EFCAB6: variants seen among roughly 807,000 people sequenced by gnomAD.
EFCAB6 encodes EF-hand calcium-binding domain-containing protein 6.
EFCAB6 carries 156 observed loss-of-function variants against 169.8 expected under a neutral mutation model. The ratio of observed to expected loss-of-function variants is 0.92; its 90% CI spans 0.81 to 1.05. EFCAB6 has a LOEUF of 1.05. Among genes scored for constraint, EFCAB6 ranks in the 50% least tolerant of loss-of-function variants. The pLI, the probability that EFCAB6 is intolerant of heterozygous loss-of-function variation, is 0.00. For synonymous variants in EFCAB6, 698 were observed against 676.4 expected (o/e 1.03, Z -0.50); for missense variants, 1,800 against 1,829.1 (o/e 0.98, Z 0.29).
intron 23 of EFCAB6, among the ~76,000 whole-genome samples, chr22:43,594,635 A>C (rs1167415205): frequency 6.6e-5 from 10 of 152,254 alleles, no homozygotes; most frequent in African/African-American, 2.4e-4. Flanking sequence ...CAAATATGTA[A>C]AGCAAATGTT....
At chr22:43,694,348 G>A (rs2058501525) in intron 10 of EFCAB6, among the ~76,000 whole-genome samples, 1 of 151,924 alleles carries the variant, frequency 6.6e-6, no homozygotes, top group East Asian at 1.9e-4. Context: ...ACTAACTCCA[G>A]GCCTAAATGG....
intron 27 of EFCAB6, chr22:43,554,087 G>T (rs545853227): frequency 6.6e-6 from 1 of 152,398 alleles, no homozygotes; most frequent in Non-Finnish European, 1.5e-5. Context: ...CCCTCCAGGC[G>T]TGGGGACCGA....
intron 5 of EFCAB6, among the ~76,000 whole-genome samples, chr22:43,758,956 C>T (rs2061053828): frequency 6.6e-6 from 1 of 152,202 alleles, no homozygotes; most frequent in African/African-American, 2.4e-5. Flanking sequence ...GGTGCAGTGG[C>T]TCACGCCTGT....
At chr22:43,757,889 T>G (rs2061014891) in intron 5 of EFCAB6, among the ~76,000 whole-genome samples, 1 of 152,230 alleles carries the variant, frequency 6.6e-6, no homozygotes. Flanking sequence ...GACACTAGCT[T>G]TCCTTAGATT....
intron 23 of EFCAB6, among the ~76,000 whole-genome samples, chr22:43,599,218 G>C (rs1383263247): frequency 6.6e-6 from 1 of 152,140 alleles, no homozygotes; most frequent in Non-Finnish European, 1.5e-5. Flanking sequence ...TTTGGGACTG[G>C]AGGGTATTCC....
intron 27 of EFCAB6, among the ~76,000 whole-genome samples, chr22:43,548,999 C>CA (rs1249522816): frequency 6.6e-6 from 1 of 152,010 alleles, no homozygotes; most frequent in Non-Finnish European, 1.5e-5. Flanking sequence ...TATTTGGAAA[C>CA]AAAAGAGAGC....
Position 43,648,329 on chromosome 22 carries a change from T to C in EFCAB6, c.1984-13113A>G, listed in dbSNP as rs2056289764. Among the ~76,000 whole-genome samples the C allele has an allele frequency of 2.6e-5, 4 of 152,082 alleles. No individual in the cohort carries two copies. The South Asian group carries it at 8.3e-4, about 32-fold the overall frequency. ...ACCTAGGTGCCCATCAATGGTGGAC[T>C]GGATTAAGAAAATGTGGTACATGCA... On this transcript the variant is annotated intron_variant, in intron 17 of 31. Transcript: ENST00000262726.
chr22:43,738,913 G>C (rs923435283), intron 6 of EFCAB6, among the ~76,000 whole-genome samples: 1 of 152,156 alleles, frequency 6.6e-6, no homozygotes, highest in Non-Finnish European at 1.5e-5. Context: ...ATGAACCTCC[G>C]TGATCCTACC....
intron 27 of EFCAB6, chr22:43,552,456 C>A (rs1256343147): frequency 6.6e-6 from 1 of 152,148 alleles, no homozygotes; most frequent in East Asian, 1.9e-4. Flanking sequence ...TTCTCTGTAA[C>A]CTCACCAGCA....
Position 43,576,414 on chromosome 22 carries a change from G to A in EFCAB6, c.3303C>T (p.Phe1101=). The change falls in exon 26 of 32, where the codon TTC becomes TTT. Residue 1101 remains phenylalanine (F), a synonymous_variant. Coordinates refer to ENST00000262726, the MANE Select transcript of EFCAB6 (RefSeq NM_022785.4). ...ACTGATTGTCCGTTAGTTTGTAACA[G>A]AAATCCTTAAGAACTTGTCCGAATT... ...ATEFGQVLKD[F]CYKLTDNQYH... is the part of the protein sequence containing the mutation. 6.2e-7 allele frequency: 1 copy of A among 1,607,304 alleles called. No homozygotes were observed. Among genetic ancestry groups the A allele is most frequent in the Non-Finnish European group, 8.5e-7 (1 of 1,178,110 alleles).
intron 23 of EFCAB6, among the ~76,000 whole-genome samples, chr22:43,591,536 G>A (rs970549639): frequency 6.6e-6 from 1 of 151,268 alleles, no homozygotes; most frequent in African/African-American, 2.4e-5. Context: ...CAAGGGCCGT[G>A]CTGCCATCTC....
intron 20 of EFCAB6, among the ~76,000 whole-genome samples, chr22:43,626,117 A>T (rs950328320): frequency 6.6e-6 from 1 of 152,254 alleles, no homozygotes; most frequent in African/African-American, 2.4e-5. Flanking sequence ...ATGTAAGTAT[A>T]TGTATATGAA....
At chr22:43,680,593 G>T (rs556023540) in intron 12 of EFCAB6, among the ~76,000 whole-genome samples, 2 of 152,076 alleles carry the variant, frequency 1.3e-5, no homozygotes, top group South Asian at 4.2e-4. Flanking sequence ...AATATGGAAT[G>T]TATTTTATTT....
chr22:43,576,210 G>T, intron 26 of EFCAB6, 87 bp downstream of exon 26: 1 of 1,183,946 alleles, frequency 8.4e-7, no homozygotes, highest in Non-Finnish European at 1.2e-6. Context: ...CAATTTATCT[G>T]ATATGGTTCT....
chr22:43,782,133 T>C (rs186836936), intron 3 of EFCAB6, 47 bp downstream of exon 3: 1 of 1,568,384 alleles, frequency 6.4e-7, no homozygotes, highest in East Asian at 2.2e-5. Context: ...TAAATACATA[T>C]AAGTGATATC....
Position 43,809,036 on chromosome 22 carries a change from A to G in EFCAB6, c.-49T>C, listed in dbSNP as rs1232636509. The stretch of plus-strand genomic sequence containing the variant: ...ATCTCAAATATTCAGTTCAAATGCT[A>G]AAGTCCACATTCTCTCCCTGAAGAG... On this transcript the variant is annotated 5_prime_UTR_variant, in exon 2 of 32. Coordinates refer to ENST00000262726, the MANE Select transcript of EFCAB6 (RefSeq NM_022785.4). The G allele has an allele frequency of 6.6e-6, 1 of 152,248 alleles. No homozygotes were observed. Among genetic ancestry groups the G allele is most frequent in the African/African-American group, 2.4e-5 (1 of 41,458 alleles). The allele number at this position is 152,248 out of a possible 1,614,324, so 9.4% of individuals were successfully genotyped here.
At position 43,719,623 on chromosome 22, in the gene EFCAB6, T is replaced by C. The variant is rs116529516; in HGVS notation, c.758-2651A>G. Among the ~76,000 whole-genome samples the C allele has an allele frequency of 5.5e-3, 833 of 152,348 alleles. 4 individuals carry two copies. The highest frequency in any genetic ancestry group is 0.019 in the African/African-American group (792 of 41,566). On this transcript the variant is annotated intron_variant, in intron 8 of 31. Coordinates refer to ENST00000262726, the MANE Select transcript of EFCAB6 (RefSeq NM_022785.4). Reference sequence around the variant, plus strand: ...CTAACCGGCTCTTGGTAATTTGTTCTTATATAACATATTTTCCCCCAAAAA... The same window carrying C: ...CTAACCGGCTCTTGGTAATTTGTTCCTATATAACATATTTTCCCCCAAAAA...
intron 26 of EFCAB6, among the ~76,000 whole-genome samples, chr22:43,563,529 C>T (rs1363676008): frequency 6.6e-6 from 1 of 152,198 alleles, no homozygotes; most frequent in Admixed American, 6.5e-5. Context: ...CTTGCCACTG[C>T]ACTCCAGCCT....
chr22:43,682,670 G>C (rs1017836302), intron 12 of EFCAB6, among the ~76,000 whole-genome samples: 4 of 152,176 alleles, frequency 2.6e-5, no homozygotes, highest in Admixed American at 1.3e-4. Flanking sequence ...TAGCACAGAG[G>C]CCTCCTTTCC....
Sources: allele counts gnomAD v4.1 joint callset (sites outside exome capture counted in the v4.1 genomes callset), GRCh38; gene constraint gnomAD v4.1.1; transcripts MANE v1.5; gene names NCBI Gene and HGNC (gene_info 2026-07-23, HGNC 2026-07-21).